The following SIPA1L1 variants were observed in gnomAD, a reference collection of about 807,000 sequenced individuals.
The protein encoded by SIPA1L1 is signal induced proliferation associated 1 like 1.
SIPA1L1 carries 26 observed loss-of-function variants against 162.7 expected under a neutral mutation model. The observed-to-expected ratio is 0.16, with a 90% CI of 0.12 to 0.22. The LOEUF is 0.22. SIPA1L1 is among the 10% of genes least tolerant of loss of function. The pLI is 1.00. For synonymous variants in SIPA1L1, 829 were observed against 837.4 expected, an observed-to-expected ratio of 0.99 and a Z score of 0.17; for missense variants, 1,874 against 2,241.0, an observed-to-expected ratio of 0.84 and a Z score of 3.31.
intron 4 of SIPA1L1, chr14:71,574,055 G>C: frequency 5.6e-6 from 1 of 179,156 alleles, no homozygotes. Context: ...GTGAAATCAT[G>C]ATTTATTTAA....
chr14:71,345,383 C>T (rs950054827), intron 2 of SIPA1L1, among the ~76,000 whole-genome samples: 4 of 152,160 alleles, frequency 2.6e-5, no homozygotes, highest in Non-Finnish European at 5.9e-5. Context: ...AAAGGATGTC[C>T]TCACCTCTGT....
At chr14:71,348,651 G>A (rs1459462440) in intron 2 of SIPA1L1, among the ~76,000 whole-genome samples, 1 of 152,196 alleles carries the variant, frequency 6.6e-6, no homozygotes, top group Admixed American at 6.5e-5. Flanking sequence ...CTTTATTAAA[G>A]TGTATGCAAA....
chr14:71,500,029 A>ATTT (rs1391965917), intron 2 of SIPA1L1, among the ~76,000 whole-genome samples: 3 of 152,206 alleles, frequency 2.0e-5, no homozygotes. Context: ...AATATCTATT[A>ATTT]TAAACATGCT....
At chr14:71,501,429 GAAAC>G (rs1002805496) in intron 2 of SIPA1L1, among the ~76,000 whole-genome samples, 11 of 152,266 alleles carry the variant, frequency 7.2e-5, no homozygotes, top group Admixed American at 7.2e-4. Flanking sequence ...TTCACAATGT[GAAAC>G]AAAAGAAGAC....
chr14:71,704,831 A>G (rs764971110), intron 15 of SIPA1L1: 3 of 1,300,462 alleles, frequency 2.3e-6, no homozygotes, highest in East Asian at 2.3e-5. Flanking sequence ...GATTGCATCC[A>G]TGCCTGTCTA....
intron 2 of SIPA1L1, among the ~76,000 whole-genome samples, chr14:71,335,667 AT>A (rs1566901625): frequency 6.6e-6 from 1 of 152,172 alleles, no homozygotes; most frequent in East Asian, 1.9e-4. Flanking sequence ...GGCAGAAGTT[AT>A]TTTGGATAGT....
chr14:71,602,760 C>T (rs892396104), intron 5 of SIPA1L1, among the ~76,000 whole-genome samples: 8 of 152,240 alleles, frequency 5.3e-5, no homozygotes, highest in African/African-American at 1.9e-4. Context: ...GCATTATCAC[C>T]TAAGCTCTGC....
chr14:71,664,725 C>T (rs749874779), intron 10 of SIPA1L1, among the ~76,000 whole-genome samples: 40 of 152,188 alleles, frequency 2.6e-4, no homozygotes, highest in Non-Finnish European at 5.0e-4. Flanking sequence ...CTTTCTCCAC[C>T]ATGAACACAC....
intron 4 of SIPA1L1, among the ~76,000 whole-genome samples, chr14:71,577,211 T>C (rs1046016812): frequency 6.6e-6 from 1 of 152,120 alleles, no homozygotes; most frequent in Non-Finnish European, 1.5e-5. Context: ...TCTCACTGTA[T>C]CCATATCCAC....
intron 5 of SIPA1L1, among the ~76,000 whole-genome samples, chr14:71,611,760 T>TC (rs1236680859): frequency 6.6e-6 from 1 of 152,234 alleles, no homozygotes; most frequent in African/African-American, 2.4e-5. Flanking sequence ...TACATAGTAT[T>TC]CCATGGTTTA....
intron 2 of SIPA1L1, among the ~76,000 whole-genome samples, chr14:71,412,458 G>A (rs576494307): frequency 2.0e-5 from 3 of 152,244 alleles, no homozygotes; most frequent in African/African-American, 2.4e-5. Context: ...ATATTTGTAC[G>A]ATTTGGTTAT....
intron 4 of SIPA1L1, among the ~76,000 whole-genome samples, chr14:71,536,153 A>G (rs2053879451): frequency 6.6e-6 from 1 of 151,766 alleles, no homozygotes; most frequent in Non-Finnish European, 1.5e-5. Context: ...CTGGCTTTCA[A>G]ATCATTACAC....
intron 4 of SIPA1L1, among the ~76,000 whole-genome samples, chr14:71,558,579 G>A (rs912047424): frequency 6.6e-6 from 1 of 152,218 alleles, no homozygotes; most frequent in Non-Finnish European, 1.5e-5. Context: ...GGTGAAAGCC[G>A]TGGTTGCTGT....
intron 2 of SIPA1L1, among the ~76,000 whole-genome samples, chr14:71,483,947 G>C (rs1255636106): frequency 6.6e-6 from 1 of 152,122 alleles, no homozygotes; most frequent in East Asian, 1.9e-4. Flanking sequence ...TCTGCACTCC[G>C]TAGCACCCTG....
chr14:71,438,987 G>A (rs577345667), intron 2 of SIPA1L1, among the ~76,000 whole-genome samples: 2 of 151,872 alleles, frequency 1.3e-5, no homozygotes, highest in South Asian at 4.1e-4. Context: ...TTTGCCCTCT[G>A]CTTTCCTGCT....
chr14:71,429,251 C>G (rs866994098), intron 2 of SIPA1L1, among the ~76,000 whole-genome samples: 42 of 152,242 alleles, frequency 2.8e-4, no homozygotes, highest in South Asian at 8.3e-4. Flanking sequence ...GTGCCTGTTT[C>G]CTCCCCACTT....
chr14:71,715,357 A>G (rs965261899), intron 17 of SIPA1L1, among the ~76,000 whole-genome samples: 1 of 152,224 alleles, frequency 6.6e-6, no homozygotes, highest in Non-Finnish European at 1.5e-5. Flanking sequence ...AGGTGCACAA[A>G]TTAAACAGAT....
At chr14:71,462,274 A>G (rs1421143073) in intron 2 of SIPA1L1, among the ~76,000 whole-genome samples, 1 of 152,168 alleles carries the variant, frequency 6.6e-6, no homozygotes, top group African/African-American at 2.4e-5. Flanking sequence ...CTCCTCTGTG[A>G]TTCACCTATG....
At chr14:71,503,552 T>C (rs1297076326) in intron 2 of SIPA1L1, among the ~76,000 whole-genome samples, 1 of 152,228 alleles carries the variant, frequency 6.6e-6, no homozygotes, top group Non-Finnish European at 1.5e-5. Flanking sequence ...GTGATTATGG[T>C]AATTGCCAAA....
Sources: allele counts gnomAD v4.1 joint callset (sites outside exome capture counted in the v4.1 genomes callset), GRCh38; gene constraint gnomAD v4.1.1; transcripts MANE v1.5; gene names NCBI Gene and HGNC (gene_info 2026-07-23, HGNC 2026-07-21).